The following DNM2 variants were observed in gnomAD, a reference collection of about 807,000 sequenced individuals.
The protein encoded by DNM2 is dynamin-2.
In DNM2, 15 loss-of-function variants were observed where a neutral mutation model predicts 99.0. That is an observed-to-expected ratio of 0.15 (90% CI 0.10 to 0.23). The LOEUF is 0.23. DNM2 is among the 10% of genes least tolerant of loss of function. The pLI is 1.00. For synonymous variants in DNM2, 525 were observed against 481.2 expected (o/e 1.09, Z -1.19); for missense variants, 742 against 1,189.4 (o/e 0.62, Z 5.53).
In DNM2 at chr19:10,806,050, C is replaced by T. The variant is rs1345597652; in HGVS notation, c.1545+83C>T. 8 of 1,576,626 alleles carry T rather than the reference C, an allele frequency of 5.1e-6. No individual in the cohort carries two copies. In the East Asian group the frequency reaches 9.0e-5, roughly 18 times the overall value. On this transcript the variant is annotated intron_variant, in intron 13 of 20. Coordinates refer to ENST00000389253, the MANE Select transcript of DNM2 (RefSeq NM_001005361.3). ...ACAGCTAAGCCCCCGTGATGGAGCT[C>T]GGCCTGTGTAAAGCCCCACCCCACA... is the stretch of plus-strand genomic sequence containing the variant.
At chr19:10,719,144 C>T (rs1414159012) in intron 1 of DNM2, among the ~76,000 whole-genome samples, 1 of 152,162 alleles carries the variant, frequency 6.6e-6, no homozygotes, top group African/African-American at 2.4e-5. Flanking sequence ...TCCTCTCTTC[C>T]GTGTGAATTC....
Position 10,811,522 on chromosome 19 carries a change from C to T in DNM2, c.1558-742C>T. On this transcript the variant is annotated intron_variant, in intron 14 of 20. Transcript: ENST00000389253. This position sits in a 1 kb window ranked among gnomAD's most constrained non-coding sequence, Gnocchi z 5.4. ...GCCAAGTCTGTCAGTGCCTGGGTCC[C>T]AGGCCGCCCTGTGCGTGCCTCCGTG... is the stretch of plus-strand genomic sequence containing the variant. 6 of 361,764 alleles carry T rather than the reference C, an allele frequency of 1.7e-5. No homozygotes were observed. Among genetic ancestry groups the T allele is most frequent in the South Asian group, 1.0e-4 (5 of 49,324 alleles). 22.4% of individuals were successfully genotyped at this position (361,764 alleles called of 1,614,324 possible). A position where few individuals can be genotyped will look rare whatever the true frequency, so the allele number is the denominator to read the frequency against.
chr19:10,723,051 C>T (rs1199537937), intron 1 of DNM2, among the ~76,000 whole-genome samples: 1 of 151,458 alleles, frequency 6.6e-6, no homozygotes, highest in African/African-American at 2.4e-5. Flanking sequence ...ACTGCAATCT[C>T]GCCTCCTGAG....
chr19:10,745,614 T>C (rs1221843420), intron 1 of DNM2, among the ~76,000 whole-genome samples: 3 of 152,132 alleles, frequency 2.0e-5, no homozygotes, highest in African/African-American at 7.2e-5. Context: ...GGAGGATCGC[T>C]TCAGCCCAGG....
At position 10,796,034 on chromosome 19, in the gene DNM2, C is replaced by G; in HGVS notation, c.1196+595C>G. 1.2e-6 allele frequency: 2 copies of G among 1,612,744 alleles called. No homozygotes were observed. The highest frequency in any genetic ancestry group is 1.7e-6 in the Non-Finnish European group (2 of 1,180,016). ...CTTTGTTTCTCTCTGACTTATCTCC[C>G]CTGCCCCCGGGTCTGGACGGTTTCA... On this transcript the variant is annotated intron_variant, in intron 9 of 20. Transcript: ENST00000389253. This position sits in a 1 kb window ranked among gnomAD's most constrained non-coding sequence, Gnocchi z 5.6.
chr19:10,777,246 G>T, intron 5 of DNM2, 30 bp downstream of exon 5: 1 of 1,607,192 alleles, frequency 6.2e-7, no homozygotes, highest in Non-Finnish European at 8.5e-7. Flanking sequence ...GGGGAAGCAG[G>T]AGGATGGGTG....
intron 2 of DNM2, among the ~76,000 whole-genome samples, chr19:10,761,435 G>A (rs370145547): frequency 6.6e-6 from 1 of 152,006 alleles, no homozygotes; most frequent in Non-Finnish European, 1.5e-5. Flanking sequence ...TGAGGTGGGC[G>A]TATATCCCAG....
chr19:10,794,355 G>A (rs897344126), intron 8 of DNM2, among the ~76,000 whole-genome samples: 8 of 151,722 alleles, frequency 5.3e-5, no homozygotes, highest in Non-Finnish European at 8.8e-5. Flanking sequence ...GTGTGTGTGT[G>A]TGTGTGTGTG....
In DNM2 at chr19:10,778,425, G is replaced by A. The variant is rs2071232702; in HGVS notation, c.688+1209G>A. Among the ~76,000 whole-genome samples, 7 of 152,232 alleles carry A rather than the reference G, an allele frequency of 4.6e-5. No individual in the cohort carries two copies. The South Asian group carries it at 1.5e-3, about 32-fold the overall frequency. On this transcript the variant is annotated intron_variant, in intron 5 of 20. Transcript: ENST00000389253. ...TCAGTGCTTTGGGAGGCTGAGGCAG[G>A]AGGATGCCTTGAGGCTGGGAGTTCA... is the stretch of plus-strand genomic sequence containing the variant.
At chr19:10,825,568 C>G (rs1376827551) in intron 18 of DNM2, among the ~76,000 whole-genome samples, 4 of 152,136 alleles carry the variant, frequency 2.6e-5, no homozygotes, top group Non-Finnish European at 5.9e-5. Flanking sequence ...ACTCAGGAGG[C>G]TGAGGCAGGG....
chr19:10,829,358 G>A, intron 19 of DNM2, 90 bp downstream of exon 19: 1 of 1,497,186 alleles, frequency 6.7e-7, no homozygotes, highest in South Asian at 1.2e-5. Flanking sequence ...GCAGGAAACA[G>A]GACACAGCCC....
chr19:10,771,144 G>C (rs575897991), intron 2 of DNM2, among the ~76,000 whole-genome samples: 11 of 152,206 alleles, frequency 7.2e-5, no homozygotes, highest in African/African-American at 2.6e-4. Context: ...CTGAGCTTTG[G>C]GGATATCCCC....
chr19:10,804,550 G>T (rs953334231), intron 12 of DNM2, among the ~76,000 whole-genome samples: 1 of 152,148 alleles, frequency 6.6e-6, no homozygotes, highest in South Asian at 2.1e-4. Context: ...AATTAACTGG[G>T]CATGGTGGTG....
chr19:10,754,882 G>A (rs1883422334), intron 1 of DNM2, among the ~76,000 whole-genome samples: 1 of 152,196 alleles, frequency 6.6e-6, no homozygotes, highest in African/African-American at 2.4e-5. Context: ...GTGAGCCACT[G>A]CTGCAAGTTT....
chr19:10,823,687 C>T, intron 16 of DNM2, 101 bp from the exon 17 acceptor site: 1 of 1,220,518 alleles, frequency 8.2e-7, no homozygotes, highest in South Asian at 1.2e-5. Flanking sequence ...GGTTTGGGTT[C>T]CTGATCAGTC....
At chr19:10,797,294 T>C (rs1337086199) in intron 9 of DNM2, 86 bp from the exon 10 acceptor site, 1 of 1,576,080 alleles carries the variant, frequency 6.3e-7, no homozygotes, top group Admixed American at 1.8e-5. Flanking sequence ...TCGTTTCTTC[T>C]CTTCTCTCTG....
chr19:10,802,987 GC>G (rs1386968963), intron 12 of DNM2, among the ~76,000 whole-genome samples: 2 of 152,204 alleles, frequency 1.3e-5, no homozygotes, highest in African/African-American at 4.8e-5. Flanking sequence ...AGGCCTTCCT[GC>G]CTGAGGCAGG....
Position 10,831,734 on chromosome 19 carries a change from G to A in DNM2, c.*687G>A, listed in dbSNP as rs1455358566. On this transcript the variant is annotated 3_prime_UTR_variant, in exon 21 of 21. Coordinates refer to ENST00000389253, the MANE Select transcript of DNM2 (RefSeq NM_001005361.3). The surrounding 1 kb of genome is among the most constrained non-coding windows in gnomAD (Gnocchi z 4.3). ...CTTGGGCTATGTGGGTGGTGGTGGC[G>A]GGGGGTCTTGGGGGCCTCTCAGCTC... 3.1e-5 allele frequency: 31 copies of A among 986,204 alleles called. No homozygotes were observed. Among genetic ancestry groups the A allele is most frequent in the South Asian group, 4.7e-5 (1 of 21,320 alleles). 61.1% of individuals were successfully genotyped at this position (986,204 alleles called of 1,614,324 possible).
At chr19:10,742,422 G>A (rs2069787379) in intron 1 of DNM2, among the ~76,000 whole-genome samples, 1 of 152,194 alleles carries the variant, frequency 6.6e-6, no homozygotes, top group South Asian at 2.1e-4. Context: ...AGGGCCTTAT[G>A]CGTGCTAGAC....
Sources: allele counts gnomAD v4.1 joint callset (sites outside exome capture counted in the v4.1 genomes callset), GRCh38; gene constraint gnomAD v4.1.1; non-coding constraint Gnocchi (gnomAD v3.1); transcripts MANE v1.5; gene names NCBI Gene and HGNC (gene_info 2026-07-23, HGNC 2026-07-21).